Variants in CLIC5 observed in about 807,000 individuals in gnomAD.
CLIC5 encodes the protein chloride intracellular channel protein 5.
CLIC5 carries 20 observed loss-of-function variants against 24.7 expected under a neutral mutation model. The ratio of observed to expected loss-of-function variants is 0.81; its 90% CI spans 0.57 to 1.18. The LOEUF (loss-of-function observed/expected upper bound fraction) is 1.18. Ranked by LOEUF, CLIC5 falls within the 50% of genes most tolerant of loss-of-function variation. CLIC5 has a pLI of 0.00. For missense variants in CLIC5, 341 were observed against 326.1 expected (o/e 1.05, Z -0.35); for synonymous variants, 159 against 135.6 (o/e 1.17, Z -1.20).
At chr6:45,894,178 A>T (rs995247143), downstream of CLIC5, among the ~76,000 whole-genome samples, 3 of 152,238 alleles carry the variant, frequency 2.0e-5, no homozygotes, top group Non-Finnish European at 4.4e-5. Flanking sequence ...TTTGAGTAGA[A>T]TTGAAAAATA....
chr6:45,958,118 G>A (rs2127389950), intron 1 of CLIC5, among the ~76,000 whole-genome samples: 1 of 152,162 alleles, frequency 6.6e-6, no homozygotes, highest in African/African-American at 2.4e-5. Flanking sequence ...ATTAGAATGG[G>A]CTCTAAACAT....
intron 1 of CLIC5, among the ~76,000 whole-genome samples, chr6:46,053,697 T>C (rs930612135): frequency 5.3e-5 from 8 of 152,192 alleles, no homozygotes; most frequent in Admixed American, 2.0e-4. Flanking sequence ...CTTAGCAAAC[T>C]ATTTCCTCTC....
intron 1 of CLIC5, among the ~76,000 whole-genome samples, chr6:45,983,811 C>T (rs1490919890): frequency 6.6e-6 from 1 of 152,204 alleles, no homozygotes; most frequent in African/African-American, 2.4e-5. Context: ...CTTTTATACC[C>T]TTCTCCCATT....
At chr6:45,946,065 T>C (rs886095389) in intron 3 of CLIC5, among the ~76,000 whole-genome samples, 2 of 152,210 alleles carry the variant, frequency 1.3e-5, no homozygotes, top group South Asian at 2.1e-4. Context: ...TTGGAGACTA[T>C]GTAGTTTCAC....
intron 1 of CLIC5, among the ~76,000 whole-genome samples, chr6:46,071,749 G>A (rs1337692798): frequency 1.3e-5 from 2 of 151,996 alleles, no homozygotes; most frequent in African/African-American, 4.8e-5. Context: ...TATACCTAAA[G>A]GAATATAAAT....
At chr6:46,097,518 T>C in the CLIC5 span, among the ~76,000 whole-genome samples, 1 of 152,210 alleles carries the variant, frequency 6.6e-6, no homozygotes, top group Non-Finnish European at 1.5e-5. Context: ...AGAGCAATTG[T>C]GGCAAAGGAC....
At chr6:45,989,083 C>T (rs1270490707) in intron 1 of CLIC5, among the ~76,000 whole-genome samples, 1 of 152,214 alleles carries the variant, frequency 6.6e-6, no homozygotes, top group Non-Finnish European at 1.5e-5. Flanking sequence ...ATTCTGTCTG[C>T]CTTTCTAGGC....
chr6:45,941,430 A>G, intron 4 of CLIC5, 117 bp downstream of exon 4: 1 of 804,670 alleles, frequency 1.2e-6, no homozygotes, highest in Admixed American at 1.8e-5. Flanking sequence ...AATAAGCAGT[A>G]TTGGTTCCAG....
chr6:45,919,240 T>G (rs1357435367), intron 4 of CLIC5, among the ~76,000 whole-genome samples: 1 of 152,126 alleles, frequency 6.6e-6, no homozygotes, highest in South Asian at 2.1e-4. Context: ...TCAGTGGCAC[T>G]GGGAATTGGG....
intron 1 of CLIC5, among the ~76,000 whole-genome samples, chr6:46,052,106 A>G (rs1768119545): frequency 6.9e-6 from 1 of 145,242 alleles, no homozygotes; most frequent in South Asian, 2.2e-4. Flanking sequence ...TTGGAACACA[A>G]AAATGATGAG....
chr6:45,911,475 G>T, intron 5 of CLIC5: 1 of 426,758 alleles, frequency 2.3e-6, no homozygotes, highest in Non-Finnish European at 3.1e-6. Flanking sequence ...AGGCTGTCTT[G>T]GCTAAGAGCA....
At chr6:45,997,634 T>C (rs1159163666) in intron 1 of CLIC5, among the ~76,000 whole-genome samples, 2 of 152,018 alleles carry the variant, frequency 1.3e-5, no homozygotes, top group Non-Finnish European at 1.5e-5. Flanking sequence ...CATACATCAA[T>C]AACAAAATCA....
intron 3 of CLIC5, 101 bp downstream of exon 3, chr6:45,949,155 G>A (rs1392686419): frequency 1.4e-6 from 2 of 1,450,966 alleles, no homozygotes; most frequent in African/African-American, 1.4e-5. Context: ...GACTGGTGAG[G>A]TTCCTTTGGA....
At chr6:45,997,230 C>G (rs1037660862) in intron 1 of CLIC5, among the ~76,000 whole-genome samples, 1 of 150,806 alleles carries the variant, frequency 6.6e-6, no homozygotes, top group Non-Finnish European at 1.5e-5. Flanking sequence ...TGGAAATCAT[C>G]ATTCTCAGTA....
rs1016239717 is a variant in CLIC5, at chr6:46,033,074, C to T, written c.540+46629G>A. 3.1e-4 allele frequency among the ~76,000 whole-genome samples: 46 copies of T among 150,116 alleles called. 1 individual carries two copies. The highest frequency in any genetic ancestry group is 1.5e-3 in the South Asian group (7 of 4,730). On this transcript the variant is annotated intron_variant, in intron 1 of 5. Transcript: ENST00000185206. ...CGTGATCTTAGCTCACTGCAAACTCCGCCTCCCGGGTTCAAGCAATTCTCC... is the reference window on the plus strand; with the variant it reads ...CGTGATCTTAGCTCACTGCAAACTCTGCCTCCCGGGTTCAAGCAATTCTCC...
At chr6:46,041,603 A>T (rs1767811053) in intron 1 of CLIC5, among the ~76,000 whole-genome samples, 1 of 152,246 alleles carries the variant, frequency 6.6e-6, no homozygotes, top group African/African-American at 2.4e-5. Context: ...AAACCAAAAA[A>T]TTAGAGGTCA....
the CLIC5 span, among the ~76,000 whole-genome samples, chr6:46,115,931 A>G: frequency 1.3e-5 from 2 of 152,236 alleles, no homozygotes; most frequent in Non-Finnish European, 2.9e-5. Context: ...AAAAAGTTCA[A>G]GGAAGTTCAA....
At chr6:46,008,221 T>G (rs1158304101) in intron 1 of CLIC5, among the ~76,000 whole-genome samples, 1 of 152,192 alleles carries the variant, frequency 6.6e-6, no homozygotes, top group Non-Finnish European at 1.5e-5. Context: ...TGCTGTCCTA[T>G]TTCCAATTGC....
chr6:45,970,069 C>T (rs573629872), intron 1 of CLIC5, among the ~76,000 whole-genome samples: 5 of 152,164 alleles, frequency 3.3e-5, no homozygotes, highest in Non-Finnish European at 7.4e-5. Flanking sequence ...GCCCATTCCT[C>T]CTTCCTCCCT....
Sources: allele counts gnomAD v4.1 joint callset (sites outside exome capture counted in the v4.1 genomes callset), GRCh38; gene constraint gnomAD v4.1.1; transcripts MANE v1.5; gene names NCBI Gene and HGNC (gene_info 2026-07-23, HGNC 2026-07-21).